The following ATP13A1 variants were observed in gnomAD, a reference collection of about 807,000 sequenced individuals.
ATP13A1 encodes ATPase 13A1, also known as endoplasmic reticulum transmembrane helix translocase.
A neutral mutation model predicts 134.8 loss-of-function variants in ATP13A1; 55 were observed. The ratio of observed to expected loss-of-function variants is 0.41; its 90% CI spans 0.33 to 0.51. The LOEUF (loss-of-function observed/expected upper bound fraction) is 0.51. Ranked by LOEUF, ATP13A1 falls within the 20% of genes least tolerant of loss-of-function variation. The probability of loss-of-function intolerance (pLI) is 0.29; values close to 1 mark genes in which losing one functional copy is unlikely to be tolerated. For missense variants in ATP13A1, 1,389 were observed against 1,652.8 expected (o/e 0.84, Z 2.77); for synonymous variants, 775 against 725.1 (o/e 1.07, Z -1.10).
In ATP13A1 at chr19:19,657,405, G is replaced by C; in HGVS notation, c.681C>G (p.Ala227=). 1.3e-6 allele frequency: 2 copies of C among 1,565,078 alleles called. No homozygotes were observed. Among genetic ancestry groups the C allele is most frequent in the Non-Finnish European group, 8.7e-7 (1 of 1,154,500 alleles). Residue 227 remains alanine, a synonymous_variant, in exon 4 of 26, where the codon GCC becomes GCG. Coordinates refer to ENST00000357324, the MANE Select transcript of ATP13A1 (RefSeq NM_020410.3). ...CCGAGAAGTCAGGCACCACCATCTCGGCCCTGCAAGAGACCAGGCCCCATC... is the reference window on the plus strand; with the variant it reads ...CCGAGAAGTCAGGCACCACCATCTCCGCCCTGCAAGAGACCAGGCCCCATC... ...AAEKKFGSNK[A]EMVVPDFSEL...
At chr19:19,654,186 A>G in intron 13 of ATP13A1, 42 bp from the exon 14 acceptor site, 2 of 1,539,112 alleles carry the variant, frequency 1.3e-6, no homozygotes, top group Non-Finnish European at 8.8e-7. Flanking sequence ...CTTTGCTCCA[A>G]AGAGGCAGCC....
In ATP13A1 at chr19:19,656,175, G is replaced by A. The variant is rs139179107; in HGVS notation, c.1092C>T (p.Ile364=). ...GESVPQMKEP[I]EDLSPDRVLD... is the part of the protein sequence containing the mutation. ...GCACCCGGTCTGGGCTGAGGTCTTC[G>A]ATGGGCTCCTGGGGAGGAAGATCGT... is the stretch of plus-strand genomic sequence containing the variant. The change falls in exon 8 of 26, where the codon ATC becomes ATT. Residue 364 remains isoleucine (I), a synonymous_variant. Transcript: ENST00000357324. This position sits in a 1 kb window ranked among gnomAD's most constrained non-coding sequence, Gnocchi z 4.6. 479 of 1,607,756 alleles carry A rather than the reference G, an allele frequency of 3.0e-4. No homozygotes were observed. In the African/African-American group the frequency reaches 4.8e-3, roughly 16 times the overall value.
intron 19 of ATP13A1, among the ~76,000 whole-genome samples, chr19:19,648,177 G>A (rs2061999058): frequency 6.6e-6 from 1 of 152,052 alleles, no homozygotes; most frequent in African/African-American, 2.4e-5. Context: ...AAATTAGCCA[G>A]GGGTGGTGGC....
In ATP13A1 at chr19:19,656,763, C is replaced by T. The variant is rs1250210268; in HGVS notation, c.980G>A (p.Arg327His). The part of the protein sequence containing the change: ...IVPGDIVSIG[R>H]SPQENLVPCD... ...TGGCACCAGGTTCTCCTGTGGGGAG[C>T]GGCCTGCAGGGCAGAGGCAGGAGGG... The change falls in exon 7 of 26, where the codon CGC becomes CAC. Residue 327 changes from arginine (R) to histidine (H), a missense_variant. This residue lies in a region of ATP13A1 where 747 missense variants were observed against 956.1 expected (regional missense o/e 0.78). Transcript: ENST00000357324. This position sits in a 1 kb window ranked among gnomAD's most constrained non-coding sequence, Gnocchi z 4.6. 6 of 1,613,444 alleles carry T rather than the reference C, an allele frequency of 3.7e-6. No individual in the cohort carries two copies. Among genetic ancestry groups the T allele is most frequent in the Non-Finnish European group, 5.1e-6 (6 of 1,179,796 alleles).
At chr19:19,654,433 A>G (rs2062044229) in intron 13 of ATP13A1, 110 bp downstream of exon 13, 1 of 1,342,752 alleles carries the variant, frequency 7.4e-7, no homozygotes, top group Non-Finnish European at 1.0e-6. Flanking sequence ...GGAGCATCAG[A>G]GCTGTAGGCC....
At chr19:19,651,056 G>A (rs1432193803) in intron 17 of ATP13A1, 1 of 152,228 alleles carries the variant, frequency 6.6e-6, no homozygotes, top group Non-Finnish European at 1.5e-5. Context: ...CCTTAGCCAT[G>A]GATTGGAAGT....
Position 19,655,320 on chromosome 19 carries a change from C to T in ATP13A1, c.1530G>A (p.Lys510=), listed in dbSNP as rs759589369. 1.4e-5 allele frequency: 23 copies of T among 1,613,830 alleles called. No individual in the cohort carries two copies. Among genetic ancestry groups the T allele is most frequent in the African/African-American group, 2.7e-5 (2 of 74,916 alleles). The part of the protein sequence containing the change: ...AVNTSLIALA[K]LYMYCTEPFR... Reference sequence around the variant, plus strand: ...CATCCCATTTGACACACTCACAGAGCTTGGCCAGGGCGATGAGGGAGGTGT... The same window carrying T: ...CATCCCATTTGACACACTCACAGAGTTTGGCCAGGGCGATGAGGGAGGTGT... Residue 510 remains lysine (K), a synonymous_variant, in exon 11 of 26, where the codon AAG becomes AAA. Transcript: ENST00000357324. This position sits in a 1 kb window ranked among gnomAD's most constrained non-coding sequence, Gnocchi z 5.7.
intron 3 of ATP13A1, 126 bp from the exon 4 acceptor site, chr19:19,657,534 T>TC: frequency 1.1e-6 from 1 of 946,048 alleles, no homozygotes; most frequent in Non-Finnish European, 1.5e-6. Context: ...TATGTGGGCG[T>TC]CGGGAGCCCT....
In ATP13A1 at chr19:19,655,125, C is replaced by T. The variant is rs1224038017; in HGVS notation, c.1649G>A (p.Gly550Glu). The change falls in exon 12 of 26, where the codon GGG (glycine) becomes GAG (glutamate). Residue 550 changes from glycine (G) to glutamate (E), a missense_variant. Around this residue, in one of 4 missense-constraint regions of ATP13A1, gnomAD observed 747 missense variants for 956.1 expected, o/e 0.78. Transcript: ENST00000357324. The surrounding 1 kb of genome is among the most constrained non-coding windows in gnomAD (Gnocchi z 5.7). ...SDSLVVRGVAGLRDGKEVTPV... is the reference protein window; with the variant it reads ...SDSLVVRGVAELRDGKEVTPV... ...CAGGGCCCCTGATGCTTACCTCAGC[C>T]CGGCCACACCGCGCACCACCAGGCT... 6.2e-7 allele frequency: 1 copy of T among 1,613,838 alleles called. No individual in the cohort carries two copies. Among genetic ancestry groups the T allele is most frequent in the Non-Finnish European group, 8.5e-7 (1 of 1,179,862 alleles).
chr19:19,663,333 C>G lies in ATP13A1; in HGVS notation c.334G>C (p.Ala112Pro), dbSNP rs974817667. 3 of 1,592,312 alleles carry G rather than the reference C, an allele frequency of 1.9e-6. No homozygotes were observed. The highest frequency in any genetic ancestry group is 2.6e-6 in the Non-Finnish European group (3 of 1,170,692). ...CAATGCCCCGAGAGGACAGTGAGCGCGTGCGCGAGGCAGATGGTGGCAAGC... is the reference window on the plus strand; with the variant it reads ...CAATGCCCCGAGAGGACAGTGAGCGGGTGCGCGAGGCAGATGGTGGCAAGC... ...LVLATICLAH[A>P]LTVLSGHWSV... Residue 112 changes from alanine (A) to proline (P), a missense_variant, in exon 1 of 26, where the codon GCG (alanine) becomes CCG (proline). Physicochemically the swap from Ala to Pro is conservative, Grantham distance 27. Transcript: ENST00000357324.
In ATP13A1 at chr19:19,656,787, G is replaced by A. The variant is rs2062061273; in HGVS notation, c.977-21C>T. The A allele has an allele frequency of 6.2e-7, 1 of 1,612,930 alleles. No individual in the cohort carries two copies. The highest frequency in any genetic ancestry group is 1.7e-5 in the Admixed American group (1 of 59,886). ...GCGGCCTGCAGGGCAGAGGCAGGAG[G>A]GTTGGCCAGAGGCCCTGAGGCTGGG... On this transcript the variant is annotated intron_variant, in intron 6 of 25. Transcript: ENST00000357324. The surrounding 1 kb of genome is among the most constrained non-coding windows in gnomAD (Gnocchi z 4.6).
At position 19,656,061 on chromosome 19, in the gene ATP13A1, GC is replaced by G; in HGVS notation, c.1205del (p.Gly402AlafsTer2). 6.2e-7 allele frequency: 1 copy of G among 1,613,524 alleles called. No homozygotes were observed. Among genetic ancestry groups the G allele is most frequent in the Non-Finnish European group, 8.5e-7 (1 of 1,179,694 alleles). On this transcript the variant is annotated frameshift_variant, in exon 8 of 26. Transcript: ENST00000357324. LOFTEE classifies it high-confidence loss of function. This position sits in a 1 kb window ranked among gnomAD's most constrained non-coding sequence, Gnocchi z 4.6. Reference sequence around the variant, plus strand: ...CGCCCATGAGGCACCTACGCTTCAGGCCCGTGGTGGCTTTCTGTGGGGGGAT... The same window carrying G: ...CGCCCATGAGGCACCTACGCTTCAGGCCGTGGTGGCTTTCTGTGGGGGGAT... ...QHIPPQKATT[G>X]LKPVDSGCVA...
At chr19:19,651,912 C>CT (rs2062027127) in intron 16 of ATP13A1, 115 bp from the exon 17 acceptor site, 1 of 781,274 alleles carries the variant, frequency 1.3e-6, no homozygotes, top group African/African-American at 1.8e-5. Flanking sequence ...TCCTGGGCCT[C>CT]TAACCGAGAT....
rs373702947 is a variant in ATP13A1 at position 19,652,588 on chromosome 19, C to T, written c.2226+7G>A. 8.7e-6 allele frequency: 14 copies of T among 1,607,094 alleles called. No homozygotes were observed. In the South Asian group the frequency reaches 1.4e-4, roughly 17 times the overall value. On this transcript the variant is annotated splice_region_variant and intron_variant, in intron 16 of 25. Coordinates refer to ENST00000357324, the MANE Select transcript of ATP13A1 (RefSeq NM_020410.3). The stretch of plus-strand genomic sequence containing the variant: ...TGCAGAGGGTGGAGCCGAGCACCGT[C>T]CCATACCCGGTGGGACGCATTCTGG...
Position 19,649,614 on chromosome 19 carries a change from C to A in ATP13A1, c.2585G>T (p.Cys862Phe), listed in dbSNP as rs777003514. The A allele has an allele frequency of 1.2e-6, 2 of 1,613,960 alleles. No individual in the cohort carries two copies. Among genetic ancestry groups the A allele is most frequent in the Non-Finnish European group, 1.7e-6 (2 of 1,179,862 alleles). ...LKELGYVTLM[C>F]GDGTNDVGAL... ...GCCCACGTCGTTGGTGCCATCCCCACACATGAGGGTCACGTAGCCCAGCTC... is the reference window on the plus strand; with the variant it reads ...GCCCACGTCGTTGGTGCCATCCCCAAACATGAGGGTCACGTAGCCCAGCTC... Residue 862 changes from cysteine (C) to phenylalanine (F), a missense_variant, in exon 19 of 26, where the codon TGT (cysteine) becomes TTT (phenylalanine). Transcript: ENST00000357324.
In ATP13A1 at chr19:19,645,639, C is replaced by A; in HGVS notation, c.3504+8G>T. 6.4e-7 allele frequency: 1 copy of A among 1,565,558 alleles called. No homozygotes were observed. Among genetic ancestry groups the A allele is most frequent in the Non-Finnish European group, 8.7e-7 (1 of 1,155,220 alleles). ...GAGCCCCAGGGTCACCTCCACAGGG[C>A]CACTGACCTCCACAGGGATGTCCAC... On this transcript the variant is annotated splice_region_variant and intron_variant, in intron 25 of 25. Transcript: ENST00000357324. This position sits in a 1 kb window ranked among gnomAD's most constrained non-coding sequence, Gnocchi z 4.1.
rs2062048209 is a variant in ATP13A1 at position 19,655,011 on chromosome 19, C to T, written c.1655+108G>A. The T allele has an allele frequency of 1.3e-6, 2 of 1,494,146 alleles. No homozygotes were observed. Among genetic ancestry groups the T allele is most frequent in the Non-Finnish European group, 1.8e-6 (2 of 1,118,478 alleles). The allele number at this position is 1,494,146 out of a possible 1,614,324, so 92.6% of individuals were successfully genotyped here. A position where few individuals can be genotyped will look rare whatever the true frequency, so the allele number is the denominator to read the frequency against. On this transcript the variant is annotated intron_variant, in intron 12 of 25. Coordinates refer to ENST00000357324, the MANE Select transcript of ATP13A1 (RefSeq NM_020410.3). The surrounding 1 kb of genome is among the most constrained non-coding windows in gnomAD (Gnocchi z 5.7). ...CCTGGAAATGAACCCGAGGCAGGGC[C>T]TCTGACGGGCCCTCACTGCAAGGGC... is the stretch of plus-strand genomic sequence containing the variant.
At chr19:19,663,139 G>A in intron 1 of ATP13A1, 132 bp downstream of exon 1, 1 of 1,312,804 alleles carries the variant, frequency 7.6e-7, no homozygotes, top group Non-Finnish European at 1.1e-6. Flanking sequence ...AAAGTGTAGA[G>A]GGTGCCCCTG....
intron 3 of ATP13A1, among the ~76,000 whole-genome samples, chr19:19,658,137 A>C (rs1445212545): frequency 7.1e-6 from 1 of 141,056 alleles, no homozygotes; most frequent in Admixed American, 7.3e-5. Context: ...TAACAGAGTA[A>C]GACCCTGTCT....
Sources: allele counts gnomAD v4.1 joint callset (sites outside exome capture counted in the v4.1 genomes callset), GRCh38; gene constraint gnomAD v4.1.1; regional missense constraint gnomAD v4.1.1; non-coding constraint Gnocchi (gnomAD v3.1); transcripts MANE v1.5; gene names NCBI Gene and HGNC (gene_info 2026-07-23, HGNC 2026-07-21).